Variants in TMEM117 observed in about 807,000 individuals in gnomAD.
TMEM117 encodes transmembrane protein 117.
TMEM117 carries 27 observed loss-of-function variants against 52.4 expected under a neutral mutation model. The ratio of observed to expected loss-of-function variants is 0.51; its 90% CI spans 0.38 to 0.71. The LOEUF is 0.71. Ranked by LOEUF, TMEM117 falls within the 30% of genes least tolerant of loss-of-function variation. TMEM117 has a pLI of 0.00. For synonymous variants in TMEM117, 215 were observed against 206.3 expected, an observed-to-expected ratio of 1.04 and a Z score of -0.36; for missense variants, 556 against 630.5, an observed-to-expected ratio of 0.88 and a Z score of 1.26.
chr12:44,056,478 A>T (rs1041976757), intron 3 of TMEM117, among the ~76,000 whole-genome samples: 1 of 152,352 alleles, frequency 6.6e-6, no homozygotes, highest in Middle Eastern at 3.4e-3. Flanking sequence ...GAGTGTTTTA[A>T]AGTTTTAATT....
At chr12:43,842,878 G>A (rs982412781) in intron 1 of TMEM117, among the ~76,000 whole-genome samples, 3 of 152,152 alleles carry the variant, frequency 2.0e-5, no homozygotes, top group African/African-American at 7.2e-5. Flanking sequence ...ACCTGGGCCT[G>A]CTCTCTAGGC....
intron 4 of TMEM117, among the ~76,000 whole-genome samples, chr12:44,185,117 A>T (rs1000794040): frequency 2.0e-5 from 3 of 152,244 alleles, no homozygotes; most frequent in Admixed American, 6.5e-5. Flanking sequence ...CTTTGAATTT[A>T]TATACAGGTA....
chr12:44,357,206 A>G (rs557569843), intron 6 of TMEM117, among the ~76,000 whole-genome samples: 1 of 152,256 alleles, frequency 6.6e-6, no homozygotes, highest in East Asian at 1.9e-4. Context: ...GAATGCTCTC[A>G]GGGGCAGAAA....
intron 3 of TMEM117, among the ~76,000 whole-genome samples, chr12:43,960,623 A>C (rs147371353): frequency 6.6e-6 from 1 of 152,234 alleles, no homozygotes; most frequent in East Asian, 1.9e-4. Context: ...TGACACACTT[A>C]AGAGGTGTTC....
At chr12:44,114,539 C>G (rs543170359) in intron 3 of TMEM117, among the ~76,000 whole-genome samples, 2 of 152,286 alleles carry the variant, frequency 1.3e-5, no homozygotes, top group South Asian at 4.1e-4. Flanking sequence ...AGCCTTCCAT[C>G]TGCTTGGCCA....
At chr12:44,224,742 A>G (rs1461185979) in intron 5 of TMEM117, among the ~76,000 whole-genome samples, 1 of 152,112 alleles carries the variant, frequency 6.6e-6, no homozygotes, top group Non-Finnish European at 1.5e-5. Context: ...CCCTTTTAGT[A>G]AATAAACTAC....
intron 4 of TMEM117, among the ~76,000 whole-genome samples, chr12:44,167,929 A>G (rs531852185): frequency 6.6e-6 from 1 of 152,112 alleles, no homozygotes; most frequent in African/African-American, 2.4e-5. Flanking sequence ...GTTACTTCCT[A>G]AGTGCCCATA....
chr12:44,293,886 A>G (rs2138627208), intron 5 of TMEM117, among the ~76,000 whole-genome samples: 1 of 152,144 alleles, frequency 6.6e-6, no homozygotes, highest in East Asian at 1.9e-4. Flanking sequence ...TAACTTTACT[A>G]GGGAATCTTA....
chr12:44,053,639 C>T (rs1249401390), intron 3 of TMEM117, among the ~76,000 whole-genome samples: 1 of 152,166 alleles, frequency 6.6e-6, no homozygotes, highest in Non-Finnish European at 1.5e-5. Flanking sequence ...CCCCACCCCA[C>T]ATCCATGAAC....
the TMEM117 span, among the ~76,000 whole-genome samples, chr12:43,828,892 T>G: frequency 1.1e-4 from 16 of 152,224 alleles, no homozygotes; most frequent in African/African-American, 3.6e-4. Flanking sequence ...TCTCCCCTGC[T>G]TCAGCACTTG....
chr12:44,300,220 C>T (rs184688113), intron 6 of TMEM117, among the ~76,000 whole-genome samples: 1 of 152,184 alleles, frequency 6.6e-6, no homozygotes, highest in Non-Finnish European at 1.5e-5. Context: ...TCAGTATTCA[C>T]CAGAGATCAT....
At chr12:44,223,006 CA>C (rs1313362505) in intron 5 of TMEM117, among the ~76,000 whole-genome samples, 1 of 149,440 alleles carries the variant, frequency 6.7e-6, no homozygotes, top group Non-Finnish European at 1.5e-5. Context: ...ACCAAGAATT[CA>C]AAAACTTTTC....
At chr12:44,028,420 A>G (rs1946578517) in intron 3 of TMEM117, among the ~76,000 whole-genome samples, 1 of 152,204 alleles carries the variant, frequency 6.6e-6, no homozygotes, top group Admixed American at 6.5e-5. Flanking sequence ...GCATTCCCAG[A>G]TGGTTAAGGC....
At position 44,311,731 on chromosome 12, in the gene TMEM117, A is replaced by ATATATG. The variant is rs1346530294; in HGVS notation, c.768+11997_768+11998insGTATAT. Among the ~76,000 whole-genome samples the ATATATG allele has an allele frequency of 4.0e-4, 56 of 139,870 alleles. 1 individual carries two copies. The highest frequency in any genetic ancestry group is 1.1e-3 in the African/African-American group (38 of 36,056). 91.8% of individuals were successfully genotyped at this position (139,870 alleles called of 152,430 possible). A position where few individuals can be genotyped will look rare whatever the true frequency, so the allele number is the denominator to read the frequency against. On this transcript the variant is annotated intron_variant, in intron 6 of 7. Transcript: ENST00000266534. ...GTTAATATTAAATATATATATGTAT[A>ATATATG]TATATATGTATATATGTGTATATAT...
chr12:43,980,145 T>A (rs1380945615), intron 3 of TMEM117, among the ~76,000 whole-genome samples: 1 of 152,134 alleles, frequency 6.6e-6, no homozygotes, highest in African/African-American at 2.4e-5. Flanking sequence ...AGGAGGGGGC[T>A]TAGGCAAAAC....
At chr12:44,102,708 G>A (rs1258383997) in intron 3 of TMEM117, among the ~76,000 whole-genome samples, 1 of 151,782 alleles carries the variant, frequency 6.6e-6, no homozygotes, top group South Asian at 2.1e-4. Flanking sequence ...CATATTTTTT[G>A]GTTGGCGTAA....
At chr12:44,252,230 G>T (rs914608658) in intron 5 of TMEM117, among the ~76,000 whole-genome samples, 1 of 152,110 alleles carries the variant, frequency 6.6e-6, no homozygotes, top group Non-Finnish European at 1.5e-5. Flanking sequence ...CTGTGGCCAG[G>T]CCCAGTGGCT....
chr12:44,204,746 C>G (rs1949542215), intron 4 of TMEM117, among the ~76,000 whole-genome samples: 2 of 152,056 alleles, frequency 1.3e-5, no homozygotes, highest in Admixed American at 6.6e-5. Context: ...AGAAATAAAA[C>G]CATACACCTA....
chr12:44,249,911 C>T (rs751473017), intron 5 of TMEM117, among the ~76,000 whole-genome samples: 7 of 152,256 alleles, frequency 4.6e-5, no homozygotes, highest in Non-Finnish European at 8.8e-5. Context: ...CTAGGCAATA[C>T]GATTCAGGAC....
Sources: gnomAD v4.1 joint callset for allele counts (sites outside exome capture counted in the v4.1 genomes callset) on GRCh38, gnomAD v4.1.1 for gene constraint, MANE v1.5 for transcripts, NCBI Gene and HGNC (gene_info 2026-07-23, HGNC 2026-07-21) for gene names.